The following SSTR2 variants were observed in gnomAD, a reference collection of about 807,000 sequenced individuals.
SSTR2 encodes somatostatin receptor 2, also known as somatostatin receptor type 2.
A neutral mutation model predicts 21.4 loss-of-function variants in SSTR2; 10 were observed. That is an observed-to-expected ratio of 0.47 (90% CI 0.29 to 0.79). SSTR2 has a LOEUF of 0.79. SSTR2 is among the 30% of genes least tolerant of loss of function. The probability of loss-of-function intolerance (pLI) is 0.10; values close to 1 mark genes in which losing one functional copy is unlikely to be tolerated. For missense variants in SSTR2, 364 were observed against 468.8 expected (o/e 0.78, Z 2.06); for synonymous variants, 177 against 181.3 (o/e 0.98, Z 0.19).
chr17:73,170,808 A>G lies in SSTR2; in HGVS notation c.*379A>G. On this transcript the variant is annotated 3_prime_UTR_variant, in exon 2 of 2. Transcript: ENST00000357585. ...TATGTATACTTGTATATTCCTATTT[A>G]TTCTCTGTATAGGCATTACCTACGT... The G allele has an allele frequency of 2.2e-6, 1 of 462,860 alleles. No individual in the cohort carries two copies. The highest frequency in any genetic ancestry group is 6.8e-5 in the East Asian group (1 of 14,686). 28.7% of individuals were successfully genotyped at this position (462,860 alleles called of 1,614,324 possible).
intron 1 of SSTR2, among the ~76,000 whole-genome samples, chr17:73,167,489 C>T (rs912964340): frequency 6.6e-6 from 1 of 152,318 alleles, no homozygotes; most frequent in Admixed American, 6.5e-5. Flanking sequence ...TACACCCAGG[C>T]ACCAGGAAAA....
rs1490843563 is a variant in SSTR2, at chr17:73,176,048, T to C, written c.*5619T>C. 2.0e-5 allele frequency: 3 copies of C among 152,090 alleles called. No individual in the cohort carries two copies. The highest frequency in any genetic ancestry group is 7.2e-5 in the African/African-American group (3 of 41,428). The allele number at this position is 152,090 out of a possible 1,614,324, so 9.4% of individuals were successfully genotyped here. ...ATCCCAGATCCTTACAAAGAATACA[T>C]TGCCAAGGACCCCGAAGGAAATCTG... On this transcript the variant is annotated 3_prime_UTR_variant, in exon 2 of 2. Coordinates refer to ENST00000357585, the MANE Select transcript of SSTR2 (RefSeq NM_001050.3).
chr17:73,166,184 G>A (rs936824455), intron 1 of SSTR2, among the ~76,000 whole-genome samples: 1 of 152,254 alleles, frequency 6.6e-6, no homozygotes, highest in East Asian at 1.9e-4. Context: ...GCACCGCCCC[G>A]GCTTTTCCCA....
Position 73,169,410 on chromosome 17 carries a change from T to A in SSTR2, c.91T>A (p.Ser31Thr), listed in dbSNP as rs762970867. 1.8e-5 allele frequency: 29 copies of A among 1,614,222 alleles called. No homozygotes were observed. The highest frequency in any genetic ancestry group is 2.3e-5 in the Non-Finnish European group (27 of 1,180,042). ...TGGCTCTGTGGTGTCAACCAACACC[T>A]CAAACCAGACAGAGCCGTACTATGA... ...LNGSVVSTNTSNQTEPYYDLT... is the reference protein window; with the variant it reads ...LNGSVVSTNTTNQTEPYYDLT... The change falls in exon 2 of 2, where the codon TCA becomes ACA. Residue 31 changes from serine (S) to threonine (T), a missense_variant. Ser to Thr is a moderately conservative substitution (Grantham distance 58). Transcript: ENST00000357585. This position sits in a 1 kb window ranked among gnomAD's most constrained non-coding sequence, Gnocchi z 5.2.
At position 73,172,452 on chromosome 17, in the gene SSTR2, C is replaced by A. The variant is rs914359418; in HGVS notation, c.*2023C>A. On this transcript the variant is annotated 3_prime_UTR_variant, in exon 2 of 2. Transcript: ENST00000357585. ...AAGCGCTGTTGGCCGGTGGGAGTGA[C>A]TAAGTGCTCCACCTGTGGGTGTCCT... 6.6e-6 allele frequency: 1 copy of A among 152,198 alleles called. No homozygotes were observed. Among genetic ancestry groups the A allele is most frequent in the Admixed American group, 6.5e-5 (1 of 15,288 alleles). The allele number at this position is 152,198 out of a possible 1,614,324, so 9.4% of individuals were successfully genotyped here.
chr17:73,169,717 T>C lies in SSTR2; in HGVS notation c.398T>C (p.Leu133Pro). The C allele has an allele frequency of 6.2e-7, 1 of 1,614,250 alleles. No homozygotes were observed. The highest frequency in any genetic ancestry group is 8.5e-7 in the Non-Finnish European group (1 of 1,180,036). ...GINQFTSIFC[L>P]TVMSIDRYLA... ...AATCAGTTCACCAGCATCTTCTGCC[T>C]GACAGTCATGAGCATCGACCGATAC... The change falls in exon 2 of 2, where the codon CTG becomes CCG. Residue 133 changes from leucine to proline, a missense_variant. Physicochemically the swap from Leu to Pro is moderately conservative, Grantham distance 98. Around this residue, in one of 4 missense-constraint regions of SSTR2, gnomAD observed 193 missense variants for 273.1 expected, o/e 0.71. Transcript: ENST00000357585. The surrounding 1 kb of genome is among the most constrained non-coding windows in gnomAD (Gnocchi z 5.2).
rs2061247569 is a variant in SSTR2, at chr17:73,175,833, T to A, written c.*5404T>A. 6.6e-6 allele frequency: 1 copy of A among 152,168 alleles called. No individual in the cohort carries two copies. Among genetic ancestry groups the A allele is most frequent in the Admixed American group, 6.6e-5 (1 of 15,260 alleles). The allele number at this position is 152,168 out of a possible 1,614,324, so 9.4% of individuals were successfully genotyped here. A position where few individuals can be genotyped will look rare whatever the true frequency, so the allele number is the denominator to read the frequency against. ...CCACCTTCGACGAAATCTGAAATGA[T>A]ACCCCACAGCCTTGTCCACCCCAAT... On this transcript the variant is annotated 3_prime_UTR_variant, in exon 2 of 2. Transcript: ENST00000357585.
rs1039558963 is a variant in SSTR2, at chr17:73,172,991, T to A, written c.*2562T>A. 6.6e-5 allele frequency: 10 copies of A among 151,944 alleles called. No homozygotes were observed. The highest frequency in any genetic ancestry group is 2.4e-4 in the African/African-American group (10 of 41,368). 9.4% of individuals were successfully genotyped at this position (151,944 alleles called of 1,614,324 possible). A position where few individuals can be genotyped will look rare whatever the true frequency, so the allele number is the denominator to read the frequency against. ...GCTGAGGTGGGTGGATTGCCTGAGG[T>A]CAAGAGTTCAAGACCAGCCTGGCCA... is the stretch of plus-strand genomic sequence containing the variant. On this transcript the variant is annotated 3_prime_UTR_variant, in exon 2 of 2. Coordinates refer to ENST00000357585, the MANE Select transcript of SSTR2 (RefSeq NM_001050.3).
chr17:73,165,980 G>T (rs2061215046), intron 1 of SSTR2, among the ~76,000 whole-genome samples: 1 of 147,664 alleles, frequency 6.8e-6, no homozygotes, highest in Admixed American at 6.7e-5. Context: ...TGTGCGTTTC[G>T]ATACTGGGCG....
At position 73,169,718 on chromosome 17, in the gene SSTR2, G is replaced by A; in HGVS notation, c.399G>A (p.Leu133=). ...GINQFTSIFC[L]TVMSIDRYLA... Reference sequence around the variant, plus strand: ...ATCAGTTCACCAGCATCTTCTGCCTGACAGTCATGAGCATCGACCGATACC... The same window carrying A: ...ATCAGTTCACCAGCATCTTCTGCCTAACAGTCATGAGCATCGACCGATACC... Residue 133 remains leucine, a synonymous_variant, in exon 2 of 2, where the codon CTG becomes CTA. Transcript: ENST00000357585. The surrounding 1 kb of genome is among the most constrained non-coding windows in gnomAD (Gnocchi z 5.2). 1 of 1,614,226 alleles carries A rather than the reference G, an allele frequency of 6.2e-7. No homozygotes were observed. The highest frequency in any genetic ancestry group is 8.5e-7 in the Non-Finnish European group (1 of 1,180,048).
rs1352231652 is a variant in SSTR2, at chr17:73,170,817, A to G, written c.*388A>G. ...TTGTATATTCCTATTTATTCTCTGT[A>G]TAGGCATTACCTACGTTCCTGTGTT... is the stretch of plus-strand genomic sequence containing the variant. On this transcript the variant is annotated 3_prime_UTR_variant, in exon 2 of 2. Transcript: ENST00000357585. 2.2e-6 allele frequency: 1 copy of G among 450,198 alleles called. No homozygotes were observed. The highest frequency in any genetic ancestry group is 2.0e-5 in the African/African-American group (1 of 49,330). The allele number at this position is 450,198 out of a possible 1,614,324, so 27.9% of individuals were successfully genotyped here.
At chr17:73,167,654 C>G (rs2061220593) in intron 1 of SSTR2, among the ~76,000 whole-genome samples, 1 of 152,216 alleles carries the variant, frequency 6.6e-6, no homozygotes, top group Non-Finnish European at 1.5e-5. Context: ...AAACACTTCT[C>G]TTTGGAAGCC....
At position 73,170,587 on chromosome 17, in the gene SSTR2, C is replaced by T. The variant is rs1462125719; in HGVS notation, c.*158C>T. The T allele has an allele frequency of 1.1e-6, 1 of 932,098 alleles. No homozygotes were observed. The highest frequency in any genetic ancestry group is 1.6e-5 in the African/African-American group (1 of 61,002). The allele number at this position is 932,098 out of a possible 1,614,324, so 57.7% of individuals were successfully genotyped here. ...ATTCAGAGAACGGTGTTTGAGTCAG[C>T]TTGTCTGATTGAATGATAATGTGCT... On this transcript the variant is annotated 3_prime_UTR_variant, in exon 2 of 2. Transcript: ENST00000357585.
In SSTR2 at chr17:73,172,846, T is replaced by A. The variant is rs923146771; in HGVS notation, c.*2417T>A. The A allele has an allele frequency of 6.6e-5, 10 of 152,156 alleles. No homozygotes were observed. Among genetic ancestry groups the A allele is most frequent in the African/African-American group, 2.4e-4 (10 of 41,444 alleles). The allele number at this position is 152,156 out of a possible 1,614,324, so 9.4% of individuals were successfully genotyped here. A position where few individuals can be genotyped will look rare whatever the true frequency, so the allele number is the denominator to read the frequency against. ...TGTTCCAGGGTCCTTGAATAAATGCTGAGTTTTAGGGAAATGATTCCAAGG... is the reference window on the plus strand; with the variant it reads ...TGTTCCAGGGTCCTTGAATAAATGCAGAGTTTTAGGGAAATGATTCCAAGG... On this transcript the variant is annotated 3_prime_UTR_variant, in exon 2 of 2. Transcript: ENST00000357585.
chr17:73,168,337 G>C (rs2061222859), intron 1 of SSTR2, among the ~76,000 whole-genome samples: 1 of 152,232 alleles, frequency 6.6e-6, no homozygotes, highest in African/African-American at 2.4e-5. Flanking sequence ...ATTAGAAAAT[G>C]GCAGGCAAAT....
chr17:73,170,224 A>G lies in SSTR2; in HGVS notation c.905A>G (p.Tyr302Cys), dbSNP rs977992427. ...GMFDFVVVLT[Y>C]ANSCANPILY... ...TTTGACTTTGTGGTGGTCCTCACCT[A>G]TGCTAACAGCTGTGCCAACCCTATC... The change falls in exon 2 of 2, where the codon TAT (tyrosine) becomes TGT (cysteine). Residue 302 changes from tyrosine (Y) to cysteine (C), a missense_variant. Tyr to Cys is a radical substitution (Grantham distance 194). Coordinates refer to ENST00000357585, the MANE Select transcript of SSTR2 (RefSeq NM_001050.3). The G allele has an allele frequency of 1.2e-6, 2 of 1,613,952 alleles. No individual in the cohort carries two copies. Among genetic ancestry groups the G allele is most frequent in the African/African-American group, 1.3e-5 (1 of 74,870 alleles).
In SSTR2 at chr17:73,169,179, C is replaced by T. The variant is rs1466113; in HGVS notation, c.-92-49C>T. On this transcript the variant is annotated intron_variant, in intron 1 of 1. Transcript: ENST00000357585. The surrounding 1 kb of genome is among the most constrained non-coding windows in gnomAD (Gnocchi z 5.2). ...CCAGAAATGTGTAAATTTGGTGAGACTTTAAACAGCCTGTGACCGACGGGC... is the reference window on the plus strand; with the variant it reads ...CCAGAAATGTGTAAATTTGGTGAGATTTTAAACAGCCTGTGACCGACGGGC... 1 of 1,054,620 alleles carries T rather than the reference C, an allele frequency of 9.5e-7. No individual in the cohort carries two copies. Among genetic ancestry groups the T allele is most frequent in the East Asian group, 2.6e-5 (1 of 38,224 alleles). The allele number at this position is 1,054,620 out of a possible 1,614,324, so 65.3% of individuals were successfully genotyped here.
In SSTR2 at chr17:73,173,215, A is replaced by C. The variant is rs1395314560; in HGVS notation, c.*2786A>C. On this transcript the variant is annotated 3_prime_UTR_variant, in exon 2 of 2. Transcript: ENST00000357585. ...GCGAAACTTCATCTCAAAAAAAAAA[A>C]ACAAAGACTAATTCTATAGTACCCA... The C allele has an allele frequency of 2.0e-5, 3 of 152,298 alleles. No homozygotes were observed. Among genetic ancestry groups the C allele is most frequent in the Non-Finnish European group, 4.4e-5 (3 of 68,232 alleles). The allele number at this position is 152,298 out of a possible 1,614,324, so 9.4% of individuals were successfully genotyped here. A position where few individuals can be genotyped will look rare whatever the true frequency, so the allele number is the denominator to read the frequency against.
chr17:73,165,952 C>CA (rs1555721644), intron 1 of SSTR2, among the ~76,000 whole-genome samples: 50 of 150,638 alleles, frequency 3.3e-4, no homozygotes, highest in African/African-American at 6.8e-4. Flanking sequence ...GCCCCCCCCC[C>CA]ACACCCGGCA....
Sources: allele counts gnomAD v4.1 joint callset (sites outside exome capture counted in the v4.1 genomes callset), GRCh38; gene constraint gnomAD v4.1.1; regional missense constraint gnomAD v4.1.1; non-coding constraint Gnocchi (gnomAD v3.1); transcripts MANE v1.5; gene names NCBI Gene and HGNC (gene_info 2026-07-23, HGNC 2026-07-21).